SNX24: variants seen among roughly 807,000 people sequenced by gnomAD.
SNX24 encodes the protein sorting nexin 24.
Under a neutral mutation model 28.7 loss-of-function variants are expected in SNX24, and 22 were observed. The ratio of observed to expected loss-of-function variants is 0.77; its 90% CI spans 0.55 to 1.10. The LOEUF (loss-of-function observed/expected upper bound fraction) is 1.10, where lower values mean the gene tolerates loss of function less well. Ranked by LOEUF, SNX24 falls within the 50% of genes least tolerant of loss-of-function variation. The pLI is 0.00. For synonymous variants in SNX24, 69 were observed against 71.5 expected (o/e 0.96, Z 0.18); for missense variants, 221 against 201.1 (o/e 1.10, Z -0.60).
intron 1 of SNX24, among the ~76,000 whole-genome samples, chr5:122,921,168 T>G (rs556040350): frequency 1.3e-5 from 2 of 152,284 alleles, no homozygotes; most frequent in African/African-American, 4.8e-5. Context: ...TTTTTAACTT[T>G]AACAAAAGCA....
chr5:122,900,769 C>G (rs942546941), intron 1 of SNX24, among the ~76,000 whole-genome samples: 1 of 149,892 alleles, frequency 6.7e-6, no homozygotes, highest in Non-Finnish European at 1.5e-5. Flanking sequence ...ACTTCAGTCT[C>G]AAAAAAGAAA....
At chr5:122,930,415 G>T (rs1030096549) in intron 1 of SNX24, among the ~76,000 whole-genome samples, 1 of 152,134 alleles carries the variant, frequency 6.6e-6, no homozygotes, top group Non-Finnish European at 1.5e-5. Context: ...AACTCCGCAG[G>T]CATTGCTCTA....
chr5:122,905,177 T>C (rs1460968522), intron 1 of SNX24, among the ~76,000 whole-genome samples: 1 of 152,132 alleles, frequency 6.6e-6, no homozygotes, highest in African/African-American at 2.4e-5. Context: ...GGTGGGGTGT[T>C]GAGGGTAGGT....
rs571065284 is a variant in SNX24, at chr5:122,874,285, A to G, written c.60+28592A>G. 4.5e-4 allele frequency among the ~76,000 whole-genome samples: 68 copies of G among 152,390 alleles called. 1 individual carries two copies. Among genetic ancestry groups the G allele is most frequent in the Admixed American group, 4.4e-3 (68 of 15,314 alleles). The stretch of plus-strand genomic sequence containing the variant: ...TTGCCAAGATTAAATGAAATAATGC[A>G]TGTGAAATGCCTACCTCAGATTACG... On this transcript the variant is annotated intron_variant, in intron 1 of 6. Coordinates refer to ENST00000261369, the MANE Select transcript of SNX24 (RefSeq NM_014035.4).
intron 1 of SNX24, among the ~76,000 whole-genome samples, chr5:122,886,021 G>A (rs1214603781): frequency 5.9e-5 from 9 of 152,064 alleles, no homozygotes; most frequent in African/African-American, 9.7e-5. Flanking sequence ...GCCACAGACC[G>A]TTTCCCCGCG....
chr5:122,865,916 C>G (rs1755699259), intron 1 of SNX24, among the ~76,000 whole-genome samples: 1 of 152,158 alleles, frequency 6.6e-6, no homozygotes, highest in Non-Finnish European at 1.5e-5. Context: ...GATGTTTACT[C>G]TTCTTGATAT....
At chr5:122,882,535 C>G (rs1756527958) in intron 1 of SNX24, among the ~76,000 whole-genome samples, 1 of 152,210 alleles carries the variant, frequency 6.6e-6, no homozygotes, top group South Asian at 2.1e-4. Flanking sequence ...CACAGAGCTC[C>G]TGCCCTCATC....
At chr5:122,908,823 G>T (rs1757757385) in intron 1 of SNX24, among the ~76,000 whole-genome samples, 1 of 152,206 alleles carries the variant, frequency 6.6e-6, no homozygotes, top group African/African-American at 2.4e-5. Context: ...CCTCTGCTGA[G>T]TGAAAAAGCA....
chr5:122,879,746 C>T (rs2150059468), intron 1 of SNX24, among the ~76,000 whole-genome samples: 1 of 152,286 alleles, frequency 6.6e-6, no homozygotes, highest in East Asian at 1.9e-4. Flanking sequence ...GTCTTAAACT[C>T]CTGGGCTCAA....
At chr5:122,972,169 G>C (rs1449587320) in intron 3 of SNX24, among the ~76,000 whole-genome samples, 2 of 152,192 alleles carry the variant, frequency 1.3e-5, no homozygotes, top group African/African-American at 4.8e-5. Context: ...ATAGTGTCCA[G>C]ATGGCAATCT....
chr5:122,976,696 G>A (rs564460214), intron 3 of SNX24, among the ~76,000 whole-genome samples: 3 of 152,368 alleles, frequency 2.0e-5, no homozygotes, highest in Admixed American at 6.5e-5. Flanking sequence ...CCACGATGAA[G>A]TCCCCGTGAT....
chr5:122,937,476 A>G (rs1025039196), intron 2 of SNX24, among the ~76,000 whole-genome samples: 1 of 152,198 alleles, frequency 6.6e-6, no homozygotes, highest in African/African-American at 2.4e-5. Flanking sequence ...ATGCTTCTTT[A>G]TTTTCTACCT....
At chr5:122,880,016 T>A (rs541462840) in intron 1 of SNX24, among the ~76,000 whole-genome samples, 1 of 152,192 alleles carries the variant, frequency 6.6e-6, no homozygotes, top group Non-Finnish European at 1.5e-5. Flanking sequence ...AAAAAAATGT[T>A]TAAGGACCAG....
intron 3 of SNX24, among the ~76,000 whole-genome samples, chr5:122,997,618 A>G (rs1423716672): frequency 6.6e-6 from 1 of 152,246 alleles, no homozygotes; most frequent in Non-Finnish European, 1.5e-5. Context: ...TCTTGCATTA[A>G]TAAACCTAAG....
chr5:122,959,833 G>T (rs1185713339), intron 3 of SNX24, among the ~76,000 whole-genome samples: 1 of 152,060 alleles, frequency 6.6e-6, no homozygotes, highest in Non-Finnish European at 1.5e-5. Flanking sequence ...AGGAGCAGAG[G>T]TTTTGATAGG....
At chr5:122,980,174 ATTTTTTGCAATTT>A (rs990837768) in intron 3 of SNX24, among the ~76,000 whole-genome samples, 3 of 152,266 alleles carry the variant, frequency 2.0e-5, no homozygotes, top group South Asian at 2.1e-4. Flanking sequence ...GCCAACTTTA[ATTTTTTGCAATTT>A]TTTTTTGCAA....
At chr5:123,017,431 T>G (rs570976627) in intron 5 of SNX24, among the ~76,000 whole-genome samples, 59 of 146,592 alleles carry the variant, frequency 4.0e-4, no homozygotes, top group African/African-American at 7.8e-4. Flanking sequence ...AAAAGTTGTT[T>G]TTTTTTTTTT....
In SNX24 at chr5:122,920,591, T is replaced by C. The variant is rs561048481; in HGVS notation, c.61-16143T>C. On this transcript the variant is annotated intron_variant, in intron 1 of 6. Transcript: ENST00000261369. The stretch of plus-strand genomic sequence containing the variant: ...ATGACAAAGCAATACACAGTTGTTA[T>C]ACGCAAGTAGAATGCTAAGACTCTA... Among the ~76,000 whole-genome samples the C allele has an allele frequency of 5.3e-5, 8 of 152,316 alleles. No individual in the cohort carries two copies. In the South Asian group the frequency reaches 1.7e-3, roughly 32 times the overall value.
At chr5:122,930,212 C>T (rs961892165) in intron 1 of SNX24, among the ~76,000 whole-genome samples, 1 of 152,170 alleles carries the variant, frequency 6.6e-6, no homozygotes, top group Non-Finnish European at 1.5e-5. Context: ...GGCACTTTGT[C>T]AGCCTTTTCT....
Sources: allele counts gnomAD v4.1 joint callset (sites outside exome capture counted in the v4.1 genomes callset), GRCh38; gene constraint gnomAD v4.1.1; transcripts MANE v1.5; gene names NCBI Gene and HGNC (gene_info 2026-07-23, HGNC 2026-07-21).